ASXL1: variants seen among roughly 807,000 people sequenced by gnomAD.
The protein encoded by ASXL1 is ASXL transcriptional regulator 1, also known as polycomb group protein ASXL1.
ASXL1 carries 65 observed loss-of-function variants against 89.1 expected under a neutral mutation model. The observed-to-expected ratio is 0.73, with a 90% CI of 0.60 to 0.90. The LOEUF (loss-of-function observed/expected upper bound fraction) is 0.90. Among genes scored for constraint, ASXL1 ranks in the 40% least tolerant of loss-of-function variants. The probability of loss-of-function intolerance (pLI) is 0.00; values close to 1 mark genes in which losing one functional copy is unlikely to be tolerated. For synonymous variants in ASXL1, 739 were observed against 746.9 expected (o/e 0.99, Z 0.17); for missense variants, 1,786 against 1,942.9 (o/e 0.92, Z 1.52).
chr20:32,390,478 T>A (rs1448405437), intron 4 of ASXL1, among the ~76,000 whole-genome samples: 1 of 152,114 alleles, frequency 6.6e-6, no homozygotes, highest in Non-Finnish European at 1.5e-5. Context: ...TTTTTTAATT[T>A]AAAAAAATAT....
chr20:32,417,452 C>T (rs980419082), intron 4 of ASXL1, among the ~76,000 whole-genome samples: 5 of 152,208 alleles, frequency 3.3e-5, no homozygotes, highest in African/African-American at 1.2e-4. Flanking sequence ...CCTTTTCTTT[C>T]GTTGACATCT....
At chr20:32,399,754 T>A (rs1253153695) in intron 4 of ASXL1, among the ~76,000 whole-genome samples, 3 of 105,886 alleles carry the variant, frequency 2.8e-5, no homozygotes, top group Admixed American at 1.2e-4. Context: ...ACTCTTTTTT[T>A]TTTTTTTTTT....
intron 1 of ASXL1, 132 bp downstream of exon 1, chr20:32,358,964 A>C: frequency 1.0e-6 from 1 of 976,672 alleles, no homozygotes; most frequent in Non-Finnish European, 1.4e-6. Context: ...TCCTTTAAGA[A>C]CGGGACAGCC....
At chr20:32,409,252 C>T (rs1381874738) in intron 4 of ASXL1, among the ~76,000 whole-genome samples, 6 of 151,404 alleles carry the variant, frequency 4.0e-5, no homozygotes, top group Admixed American at 1.3e-4. Flanking sequence ...GGATTATAGG[C>T]GTGAGCCACC....
intron 4 of ASXL1, among the ~76,000 whole-genome samples, chr20:32,389,945 A>G (rs2122982096): frequency 6.6e-6 from 1 of 152,342 alleles, no homozygotes; most frequent in Non-Finnish European, 1.5e-5. Flanking sequence ...TTTTAAAGTT[A>G]TATTTGGTAT....
rs35966674 is a variant in ASXL1, at chr20:32,428,652, C to CTTTTTTT, written c.471+251_471+257dup. 1.3e-3 allele frequency: 197 copies of CTTTTTTT among 147,932 alleles called. 22 individuals are homozygous for CTTTTTTT. The highest frequency in any genetic ancestry group is 2.8e-3 in the African/African-American group (47 of 16,718). The allele number at this position is 147,932 out of a possible 1,614,324, so 9.2% of individuals were successfully genotyped here. ...CCTTGGCTGAGTGATTTTGTTCATTCTTTTTTTTTTTTTTTTTTTTTTTTT... is the reference window on the plus strand; with the variant it reads ...CCTTGGCTGAGTGATTTTGTTCATTCTTTTTTTTTTTTTTTTTTTTTTTTTTTTTTTT... On this transcript the variant is annotated intron_variant, in intron 6 of 12. Transcript: ENST00000375687.
intron 4 of ASXL1, among the ~76,000 whole-genome samples, chr20:32,376,001 A>T (rs2048371631): frequency 6.6e-6 from 1 of 151,982 alleles, no homozygotes; most frequent in South Asian, 2.1e-4. Flanking sequence ...ACATTTTTTA[A>T]GGACTAATAA....
chr20:32,373,116 C>G (rs879838917), intron 4 of ASXL1, among the ~76,000 whole-genome samples: 14 of 151,214 alleles, frequency 9.3e-5, no homozygotes, highest in Non-Finnish European at 2.1e-4. Context: ...GTGGCTCACG[C>G]CTGTAATCCC....
At chr20:32,420,545 G>A (rs530210514) in intron 4 of ASXL1, among the ~76,000 whole-genome samples, 42 of 151,916 alleles carry the variant, frequency 2.8e-4, no homozygotes, top group Non-Finnish European at 5.9e-4. Context: ...ACTAGTATAC[G>A]TTATGCATTT....
At chr20:32,412,198 G>T (rs1329445210) in intron 4 of ASXL1, among the ~76,000 whole-genome samples, 2 of 152,124 alleles carry the variant, frequency 1.3e-5, no homozygotes, top group East Asian at 1.9e-4. Context: ...CTTACTGGGG[G>T]TTTCATTCTA....
intron 4 of ASXL1, among the ~76,000 whole-genome samples, chr20:32,388,297 C>G (rs1223886135): frequency 6.6e-6 from 1 of 152,184 alleles, no homozygotes; most frequent in African/African-American, 2.4e-5. Context: ...GCCTCAGCCT[C>G]CCGAGTAGCT....
At chr20:32,432,086 T>G (rs1003071415) in intron 10 of ASXL1, among the ~76,000 whole-genome samples, 14 of 152,086 alleles carry the variant, frequency 9.2e-5, no homozygotes, top group Non-Finnish European at 1.9e-4. Flanking sequence ...GTGGGGAAAG[T>G]GTTGAGAGGG....
intron 1 of ASXL1, chr20:32,360,063 G>T: frequency 2.0e-5 from 8 of 407,272 alleles, no homozygotes; most frequent in East Asian, 4.3e-5. Context: ...CAAAGGTGTT[G>T]TGCAAAAAAA....
In ASXL1 at chr20:32,366,503, A is replaced by G. The variant is rs752548518; in HGVS notation, c.140+37A>G. 9.3e-6 allele frequency: 15 copies of G among 1,613,304 alleles called. No homozygotes were observed. In the East Asian group the frequency reaches 2.5e-4, roughly 26 times the overall value. ...TCTTGTTGCTTAACATGAGGGTTTC[A>G]TAGGATATGTGTCTTTCTGTAGTTG... On this transcript the variant is annotated intron_variant, in intron 2 of 12. Coordinates refer to ENST00000375687, the MANE Select transcript of ASXL1 (RefSeq NM_015338.6).
intron 3 of ASXL1, among the ~76,000 whole-genome samples, chr20:32,368,749 G>C (rs1218373863): frequency 6.6e-6 from 1 of 152,244 alleles, no homozygotes; most frequent in East Asian, 1.9e-4. Flanking sequence ...TTGGAAATTT[G>C]ATTTATATTG....
chr20:32,382,502 G>C (rs1015803255), intron 4 of ASXL1, among the ~76,000 whole-genome samples: 7 of 150,780 alleles, frequency 4.6e-5, no homozygotes, highest in Non-Finnish European at 1.5e-5. Flanking sequence ...CAGGCACTGT[G>C]CCTCATACCT....
At chr20:32,423,052 T>A (rs1040527527) in intron 4 of ASXL1, among the ~76,000 whole-genome samples, 1 of 152,080 alleles carries the variant, frequency 6.6e-6, no homozygotes, top group Non-Finnish European at 1.5e-5. Flanking sequence ...GTCAGACATA[T>A]AGGGTTAATG....
At chr20:32,418,558 T>C (rs970988546) in intron 4 of ASXL1, among the ~76,000 whole-genome samples, 1 of 152,146 alleles carries the variant, frequency 6.6e-6, no homozygotes, top group Admixed American at 6.5e-5. Context: ...TTGCATAATA[T>C]TTCCATCACC....
At chr20:32,415,198 G>A (rs1243770353) in intron 4 of ASXL1, among the ~76,000 whole-genome samples, 3 of 151,930 alleles carry the variant, frequency 2.0e-5, no homozygotes, top group Non-Finnish European at 2.9e-5. Flanking sequence ...TAGTATAGAT[G>A]GGGTTTCGCC....
Sources: gnomAD v4.1 joint callset for allele counts (sites outside exome capture counted in the v4.1 genomes callset) on GRCh38, gnomAD v4.1.1 for gene constraint, MANE v1.5 for transcripts, NCBI Gene and HGNC (gene_info 2026-07-23, HGNC 2026-07-21) for gene names.